Variants in FGGY observed in about 807,000 individuals in gnomAD.
FGGY encodes the protein FGGY carbohydrate kinase domain-containing protein.
In FGGY, 72 loss-of-function variants were observed where a neutral mutation model predicts 71.3. That is an observed-to-expected ratio of 1.01 (90% confidence interval 0.84 to 1.23). The LOEUF is 1.23. Ranked by LOEUF, FGGY falls within the 50% of genes most tolerant of loss-of-function variation. FGGY has a pLI of 0.00. For synonymous variants in FGGY, 251 were observed against 250.3 expected (o/e 1.00, Z -0.02); for missense variants, 668 against 682.3 (o/e 0.98, Z 0.23).
At chr1:59,733,668 G>A (rs1230678670) in intron 14 of FGGY, among the ~76,000 whole-genome samples, 1 of 152,132 alleles carries the variant, frequency 6.6e-6, no homozygotes, top group South Asian at 2.1e-4. Context: ...TGTTGCTGCT[G>A]TTCTCAGAAC....
At chr1:59,492,915 T>C (rs2093913250) in intron 6 of FGGY, among the ~76,000 whole-genome samples, 1 of 152,178 alleles carries the variant, frequency 6.6e-6, no homozygotes, top group Admixed American at 6.6e-5. Flanking sequence ...CACAATCAAT[T>C]AAGGCTTCAG....
At chr1:59,652,962 C>G (rs571366269) in intron 11 of FGGY, among the ~76,000 whole-genome samples, 202 of 152,018 alleles carry the variant, frequency 1.3e-3, no homozygotes, top group African/African-American at 4.6e-3. Flanking sequence ...TGTTAGTTTT[C>G]CTTCTAACAG....
rs78920958 is a variant in FGGY at position 59,643,210 on chromosome 1, G to A, written c.1221+4835G>A. On this transcript the variant is annotated intron_variant, in intron 11 of 15. Transcript: ENST00000303721. ...ATTTTTTTTTAAGAGACAGGATCTT[G>A]CTCTTTGTCACTCAGACTGGAATGC... 3.6e-3 allele frequency among the ~76,000 whole-genome samples: 540 copies of A among 152,028 alleles called. 4 individuals carry two copies. The highest frequency in any genetic ancestry group is 0.012 in the African/African-American group (516 of 41,442).
At chr1:59,298,302 G>T (rs574429119) in intron 1 of FGGY, among the ~76,000 whole-genome samples, 1 of 152,102 alleles carries the variant, frequency 6.6e-6, no homozygotes, top group Admixed American at 6.6e-5. Context: ...CTAGTGGGAG[G>T]CCCAGAGCAC....
rs1482196647 is a variant in FGGY at position 59,332,444 on chromosome 1, C to CT, written c.202-7513dup. Among the ~76,000 whole-genome samples, 5 of 152,214 alleles carry CT rather than the reference C, an allele frequency of 3.3e-5. No homozygotes were observed. The East Asian group carries it at 7.7e-4, about 23-fold the overall frequency. On this transcript the variant is annotated intron_variant, in intron 2 of 15. Coordinates refer to ENST00000303721, the MANE Select transcript of FGGY (RefSeq NM_018291.5). The stretch of plus-strand genomic sequence containing the variant: ...CAGAGGCCTTCTGGGTAGTGTGACT[C>CT]TGACAGTCATCTTTCTGGGATGGTT...
At chr1:59,350,028 G>T (rs2052927170) in intron 4 of FGGY, among the ~76,000 whole-genome samples, 1 of 152,112 alleles carries the variant, frequency 6.6e-6, no homozygotes, top group South Asian at 2.1e-4. Flanking sequence ...ATCAGGGAAT[G>T]GTACCTTTGT....
chr1:59,498,623 G>T (rs2094123608), intron 6 of FGGY, among the ~76,000 whole-genome samples: 1 of 152,044 alleles, frequency 6.6e-6, no homozygotes, highest in African/African-American at 2.4e-5. Flanking sequence ...TCTAGGGTGG[G>T]GACTGAGAAT....
rs141385658 is a variant in FGGY at position 59,498,551 on chromosome 1, G to A, written c.671-13760G>A. Reference sequence around the variant, plus strand: ...CAGGGCTCTTCATACCTTGGTGTGCGTCAAAATCACCTGGTGAGGGAGGAT... The same window carrying A: ...CAGGGCTCTTCATACCTTGGTGTGCATCAAAATCACCTGGTGAGGGAGGAT... On this transcript the variant is annotated intron_variant, in intron 6 of 15. Coordinates refer to ENST00000303721, the MANE Select transcript of FGGY (RefSeq NM_018291.5). 6.2e-4 allele frequency among the ~76,000 whole-genome samples: 94 copies of A among 152,160 alleles called. 1 individual carries two copies. The highest frequency in any genetic ancestry group is 2.1e-3 in the African/African-American group (88 of 41,506).
rs370807621 is a variant in FGGY at position 59,507,936 on chromosome 1, T to C, written c.671-4375T>C. Among the ~76,000 whole-genome samples the C allele has an allele frequency of 3.3e-5, 5 of 152,290 alleles. No homozygotes were observed. The East Asian group carries it at 7.7e-4, about 23-fold the overall frequency. ...GCCTGAAGCCCTCCGCTGCCTCTTG[T>C]CCCGTCTGTTCCAGTTCTCTGTTCC... On this transcript the variant is annotated intron_variant, in intron 6 of 15. Coordinates refer to ENST00000303721, the MANE Select transcript of FGGY (RefSeq NM_018291.5).
intron 7 of FGGY, among the ~76,000 whole-genome samples, chr1:59,514,619 G>A (rs1343874287): frequency 1.3e-5 from 2 of 152,162 alleles, no homozygotes; most frequent in Non-Finnish European, 2.9e-5. Context: ...CACATGTTGT[G>A]GGAGGGACCC....
chr1:59,661,509 T>C (rs1038650068), intron 12 of FGGY, among the ~76,000 whole-genome samples: 2 of 152,186 alleles, frequency 1.3e-5, no homozygotes, highest in African/African-American at 4.8e-5. Flanking sequence ...CAGTCAAATA[T>C]CTTTATGCAT....
At chr1:59,637,705 A>G (rs548615309) in intron 10 of FGGY, among the ~76,000 whole-genome samples, 4 of 152,210 alleles carry the variant, frequency 2.6e-5, no homozygotes, top group Admixed American at 1.3e-4. Flanking sequence ...ACATTCAGTC[A>G]CTTTACTTAG....
chr1:59,322,117 A>T (rs1218657106), intron 2 of FGGY, among the ~76,000 whole-genome samples: 2 of 152,122 alleles, frequency 1.3e-5, no homozygotes, highest in Admixed American at 6.5e-5. Context: ...TGCACTGTGT[A>T]GTTGCATCTT....
intron 5 of FGGY, among the ~76,000 whole-genome samples, chr1:59,438,481 T>C (rs1450453969): frequency 6.6e-6 from 1 of 152,226 alleles, no homozygotes; most frequent in Non-Finnish European, 1.5e-5. Flanking sequence ...TTCCTCTCCT[T>C]GTGCTTTGGA....
intron 14 of FGGY, among the ~76,000 whole-genome samples, chr1:59,721,019 G>A (rs909130544): frequency 4.6e-5 from 7 of 152,154 alleles, no homozygotes; most frequent in South Asian, 2.1e-4. Flanking sequence ...TCATCTTTCC[G>A]TTGATTTTTT....
chr1:59,698,158 C>A (rs755897626), intron 14 of FGGY, among the ~76,000 whole-genome samples: 29 of 152,046 alleles, frequency 1.9e-4, no homozygotes, highest in Admixed American at 2.6e-4. Flanking sequence ...ACATTTTGGC[C>A]TCTCTGAGAT....
intron 8 of FGGY, among the ~76,000 whole-genome samples, chr1:59,599,552 G>T (rs545677440): frequency 2.0e-4 from 31 of 151,962 alleles, no homozygotes; most frequent in African/African-American, 6.8e-4. Context: ...ACATTAGCTG[G>T]GCGTGGTGGC....
intron 11 of FGGY, among the ~76,000 whole-genome samples, chr1:59,654,816 G>A (rs1399213821): frequency 6.6e-6 from 1 of 152,178 alleles, no homozygotes; most frequent in Non-Finnish European, 1.5e-5. Context: ...GGAAAGAGTT[G>A]AGAGAGGTGC....
intron 4 of FGGY, among the ~76,000 whole-genome samples, chr1:59,359,872 G>A (rs1447015025): frequency 6.6e-6 from 1 of 152,108 alleles, no homozygotes; most frequent in Non-Finnish European, 1.5e-5. Context: ...CAAAGTGAAG[G>A]AATATTCAGA....
Sources: gnomAD v4.1 joint callset for allele counts (sites outside exome capture counted in the v4.1 genomes callset) on GRCh38, gnomAD v4.1.1 for gene constraint, MANE v1.5 for transcripts, NCBI Gene and HGNC (gene_info 2026-07-23, HGNC 2026-07-21) for gene names.